Variants in LDLRAD4 observed in about 807,000 individuals in gnomAD.
LDLRAD4 encodes the protein low-density lipoprotein receptor class A domain-containing protein 4.
LDLRAD4 carries 5 observed loss-of-function variants against 17.0 expected under a neutral mutation model. That is an observed-to-expected ratio of 0.29 (90% CI 0.15 to 0.62). The LOEUF is 0.62. Among genes scored for constraint, LDLRAD4 ranks in the 20% least tolerant of loss-of-function variants. The pLI is 0.84. For synonymous variants in LDLRAD4, 168 were observed against 171.8 expected, an observed-to-expected ratio of 0.98 and a Z score of 0.17; for missense variants, 340 against 424.7, an observed-to-expected ratio of 0.80 and a Z score of 1.75.
intron 3 of LDLRAD4, among the ~76,000 whole-genome samples, chr18:13,577,219 A>G (rs2148406880): frequency 6.6e-6 from 1 of 152,320 alleles, no homozygotes. Context: ...ATGCTGTTCC[A>G]TGCCTACATG....
At chr18:13,351,675 A>G (rs1454019150) in intron 1 of LDLRAD4, among the ~76,000 whole-genome samples, 4 of 152,170 alleles carry the variant, frequency 2.6e-5, no homozygotes, top group Non-Finnish European at 4.4e-5. Context: ...GCCAAATTCT[A>G]CCAGAGATAC....
At position 13,395,263 on chromosome 18, in the gene LDLRAD4, GTCT is replaced by G. The variant is rs1286329082; in HGVS notation, c.40+7506_40+7508del. Among the ~76,000 whole-genome samples the G allele has an allele frequency of 3.3e-5, 5 of 151,020 alleles. No individual in the cohort carries two copies. The East Asian group carries it at 9.9e-4, about 30-fold the overall frequency. On this transcript the variant is annotated intron_variant, in intron 2 of 5. Coordinates refer to ENST00000359446, the Ensembl canonical transcript of LDLRAD4. The stretch of plus-strand genomic sequence containing the variant: ...TGGTGCTCGATAAATGTTCTTCCCC[GTCT>G]TCTTTCATAGTCTTCTTGAAGTTGA...
At chr18:13,516,827 G>A (rs1477171912) in intron 3 of LDLRAD4, among the ~76,000 whole-genome samples, 1 of 152,162 alleles carries the variant, frequency 6.6e-6, no homozygotes, top group Non-Finnish European at 1.5e-5. Flanking sequence ...TCCTTAGGCA[G>A]CTGGCATCCC....
chr18:13,265,479 G>T (rs554028962), intron 1 of LDLRAD4, among the ~76,000 whole-genome samples: 1 of 152,186 alleles, frequency 6.6e-6, no homozygotes, highest in African/African-American at 2.4e-5. Context: ...AATGTCAGCT[G>T]CCCAGGTGAG....
intron 3 of LDLRAD4, among the ~76,000 whole-genome samples, chr18:13,498,807 G>A (rs548328111): frequency 7.6e-5 from 11 of 145,292 alleles, no homozygotes; most frequent in South Asian, 4.3e-4. Context: ...ACGTCCCGCC[G>A]TGGACACTGG....
intron 1 of LDLRAD4, among the ~76,000 whole-genome samples, chr18:13,326,926 A>G (rs1000056407): frequency 6.6e-6 from 1 of 152,200 alleles, no homozygotes; most frequent in Middle Eastern, 3.2e-3. Flanking sequence ...AAATGAGACC[A>G]AGTGCTTACT....
chr18:13,516,643 G>C (rs1442424760), intron 3 of LDLRAD4, among the ~76,000 whole-genome samples: 1 of 152,232 alleles, frequency 6.6e-6, no homozygotes, highest in African/African-American at 2.4e-5. Flanking sequence ...ATCAGTGTCT[G>C]AGAGCATCAG....
chr18:13,363,989 G>A (rs1395491561), intron 1 of LDLRAD4, among the ~76,000 whole-genome samples: 4 of 152,166 alleles, frequency 2.6e-5, no homozygotes, highest in African/African-American at 4.8e-5. Context: ...AGGCTTTAAA[G>A]TAGTAAACAT....
At chr18:13,438,320 G>A in exon 3 of LDLRAD4, 5 of 1,613,560 alleles carry the variant, frequency 3.1e-6, no homozygotes, top group Non-Finnish European at 4.2e-6. Flanking sequence ...ACGACTGTGG[G>A]GACAACAGTG....
intron 3 of LDLRAD4, among the ~76,000 whole-genome samples, chr18:13,502,086 A>G (rs1204819902): frequency 6.6e-6 from 1 of 152,248 alleles, no homozygotes; most frequent in Non-Finnish European, 1.5e-5. Flanking sequence ...TTGAACCGTC[A>G]CCAGAGTAGC....
intron 3 of LDLRAD4, among the ~76,000 whole-genome samples, chr18:13,559,958 C>G (rs2094523917): frequency 6.6e-6 from 1 of 152,190 alleles, no homozygotes; most frequent in Non-Finnish European, 1.5e-5. Flanking sequence ...TCTGCCGTTG[C>G]ATAATCAACA....
intron 1 of LDLRAD4, among the ~76,000 whole-genome samples, chr18:13,303,663 G>A (rs940367452): frequency 1.8e-4 from 27 of 152,252 alleles, no homozygotes; most frequent in African/African-American, 6.5e-4. Context: ...GAAAAAGGGA[G>A]TTATTTTCTA....
intron 3 of LDLRAD4, among the ~76,000 whole-genome samples, chr18:13,501,486 C>T (rs1228647760): frequency 6.6e-6 from 1 of 152,040 alleles, no homozygotes; most frequent in Non-Finnish European, 1.5e-5. Context: ...TTTCCTTGAG[C>T]CTGTCTGTCT....
At chr18:13,342,062 C>G (rs1051688411) in intron 1 of LDLRAD4, among the ~76,000 whole-genome samples, 2 of 152,130 alleles carry the variant, frequency 1.3e-5, no homozygotes, top group Non-Finnish European at 2.9e-5. Context: ...ATGTTGAACT[C>G]CTTGCATTCC....
rs1390869521 is a variant in LDLRAD4, at chr18:13,645,120, C to T, written c.391-7C>T. 2 of 1,598,180 alleles carry T rather than the reference C, an allele frequency of 1.3e-6. No individual in the cohort carries two copies. The highest frequency in any genetic ancestry group is 8.5e-7 in the Non-Finnish European group (1 of 1,170,920). On this transcript the variant is annotated splice_polypyrimidine_tract_variant and splice_region_variant and intron_variant, in intron 5 of 5. Transcript: ENST00000359446. The surrounding 1 kb of genome is among the most constrained non-coding windows in gnomAD (Gnocchi z 5.7). ...CTGTCTTCAAGCCTCTCCTCTTTTC[C>T]TTCCAGATCATGCATGCCCCGCGGT...
At chr18:13,371,911 A>G (rs925458056) in intron 1 of LDLRAD4, among the ~76,000 whole-genome samples, 4 of 152,182 alleles carry the variant, frequency 2.6e-5, no homozygotes, top group Non-Finnish European at 4.4e-5. Context: ...TTAAATAGCA[A>G]GAGTTTCTGT....
Position 13,389,113 on chromosome 18 carries a change from C to A in LDLRAD4, c.40+1351C>A, listed in dbSNP as rs370324078. Among the ~76,000 whole-genome samples the A allele has an allele frequency of 1.3e-4, 19 of 151,774 alleles. 1 individual carries two copies. In the East Asian group the frequency reaches 2.1e-3, roughly 17 times the overall value. On this transcript the variant is annotated intron_variant, in intron 2 of 5. Transcript: ENST00000359446. ...CTGTGTAGACGAAGGGTTGGGGGAGCACGTGCAAAGCTAAGCTCTCTTGAA... is the reference window on the plus strand; with the variant it reads ...CTGTGTAGACGAAGGGTTGGGGGAGAACGTGCAAAGCTAAGCTCTCTTGAA...
At chr18:13,427,859 T>C (rs2903843) in intron 2 of LDLRAD4, among the ~76,000 whole-genome samples, 9,709 of 141,132 alleles carry the variant, frequency 0.069, 1,042 homozygotes, top group African/African-American at 0.23. Flanking sequence ...ATTTTCCATA[T>C]ATTTATTTCT....
In LDLRAD4 at chr18:13,285,607, C is replaced by T. The variant is rs184047395; in HGVS notation, c.-383+7419C>T. ...GAGCTCAGTGCTTGGGAGAGGGTTC[C>T]GCTGTGCACAAGGGGTCTGGGGTCT... On this transcript the variant is annotated intron_variant, in intron 1 of 5. Transcript: ENST00000359446. Among the ~76,000 whole-genome samples, 11 of 152,274 alleles carry T rather than the reference C, an allele frequency of 7.2e-5. No individual in the cohort carries two copies. In the East Asian group the frequency reaches 9.6e-4, roughly 13 times the overall value.
Sources: allele counts gnomAD v4.1 joint callset (sites outside exome capture counted in the v4.1 genomes callset), GRCh38; gene constraint gnomAD v4.1.1; non-coding constraint Gnocchi (gnomAD v3.1); transcripts MANE v1.5; gene names NCBI Gene and HGNC (gene_info 2026-07-23, HGNC 2026-07-21).